The following ACSM5 variants were observed in gnomAD, a reference collection of about 807,000 sequenced individuals.
ACSM5 encodes the protein acyl-coenzyme A synthetase ACSM5, mitochondrial.
In ACSM5, 56 loss-of-function variants were observed where a neutral mutation model predicts 71.6. The ratio of observed to expected loss-of-function variants is 0.78; its 90% CI spans 0.63 to 0.98. The LOEUF is 0.98. Ranked by LOEUF, ACSM5 falls within the 50% of genes least tolerant of loss-of-function variation. ACSM5 has a pLI of 0.00. For missense variants in ACSM5, 723 were observed against 726.0 expected (o/e 1.00, Z 0.05); for synonymous variants, 285 against 281.5 (o/e 1.01, Z -0.12).
chr16:20,425,356 AT>A (rs1444201510), intron 6 of ACSM5, among the ~76,000 whole-genome samples: 1 of 152,160 alleles, frequency 6.6e-6, no homozygotes, highest in East Asian at 1.9e-4. Flanking sequence ...CATTGTGTAT[AT>A]GTACATCTTC....
At position 20,417,923 on chromosome 16, in the gene ACSM5, C is replaced by A. The variant is rs1174286471; in HGVS notation, c.205-136C>A. ...AGGAGGGGAGCAAGCCTTTTCAATG[C>A]ATGTCTTTCCATATTGCTTTGCTTT... is the stretch of plus-strand genomic sequence containing the variant. On this transcript the variant is annotated intron_variant, in intron 2 of 13. Coordinates refer to ENST00000331849, the MANE Select transcript of ACSM5 (RefSeq NM_017888.3). 1.6e-5 allele frequency: 13 copies of A among 835,636 alleles called. No homozygotes were observed. In the East Asian group the frequency reaches 2.9e-4, roughly 19 times the overall value. The allele number at this position is 835,636 out of a possible 1,614,324, so 51.8% of individuals were successfully genotyped here. A position where few individuals can be genotyped will look rare whatever the true frequency, so the allele number is the denominator to read the frequency against.
chr16:20,434,961 G>A (rs79870705), intron 10 of ACSM5, among the ~76,000 whole-genome samples: 4,193 of 152,250 alleles, frequency 0.028, 193 homozygotes, highest in African/African-American at 0.094. Flanking sequence ...ATGTTTGCTA[G>A]CATTTTGATT....
intron 9 of ACSM5, 64 bp downstream of exon 9, chr16:20,431,137 G>T (rs1321783166): frequency 6.2e-7 from 1 of 1,600,990 alleles, no homozygotes; most frequent in African/African-American, 1.3e-5. Context: ...CACAGGCCTG[G>T]TTGGCACGGG....
chr16:20,438,156 G>A (rs1016910344), intron 12 of ACSM5, among the ~76,000 whole-genome samples: 67 of 151,860 alleles, frequency 4.4e-4, no homozygotes, highest in Non-Finnish European at 1.5e-4. Context: ...GGTCCCAGAG[G>A]AATGCATATT....
intron 3 of ACSM5, 107 bp downstream of exon 3, chr16:20,418,376 A>G: frequency 1.8e-6 from 2 of 1,139,672 alleles, no homozygotes; most frequent in Non-Finnish European, 2.5e-6. Flanking sequence ...CTGTATGTGG[A>G]GTTGTGTTTA....
At chr16:20,426,717 A>G (rs1206994406) in intron 6 of ACSM5, among the ~76,000 whole-genome samples, 3 of 152,210 alleles carry the variant, frequency 2.0e-5, no homozygotes, top group Admixed American at 2.0e-4. Context: ...AAATTCATAG[A>G]GACAGAAAGT....
chr16:20,419,285 T>G lies in ACSM5; in HGVS notation c.473T>G (p.Leu158Arg), dbSNP rs1335737690. ...ACAGAGAAGGACCTCAAGTACCGGC[T>G]GCAGGCGTCCAGGGCCAAGTCCATT... Reference protein sequence around the residue: ...QLTEKDLKYRLQASRAKSIIT... With the variant: ...QLTEKDLKYRRQASRAKSIIT... The change falls in exon 4 of 14, where the codon CTG (leucine) becomes CGG (arginine). Residue 158 changes from leucine (L) to arginine (R), a missense_variant. By Grantham distance (102) the Leu-to-Arg change is moderately radical. Coordinates refer to ENST00000331849, the MANE Select transcript of ACSM5 (RefSeq NM_017888.3). The G allele has an allele frequency of 6.2e-7, 1 of 1,614,132 alleles. No individual in the cohort carries two copies. Among genetic ancestry groups the G allele is most frequent in the East Asian group, 2.2e-5 (1 of 44,876 alleles).
Position 20,437,248 on chromosome 16 carries a change from A to C in ACSM5, c.1437-20A>C, listed in dbSNP as rs923164784. Reference sequence around the variant, plus strand: ...GGGTTGAGGGAAGCCCACTTGGAAGAGTTTGTTTTTCCCTTCCAGCTACCG... The same window carrying C: ...GGGTTGAGGGAAGCCCACTTGGAAGCGTTTGTTTTTCCCTTCCAGCTACCG... On this transcript the variant is annotated intron_variant, in intron 11 of 13. Coordinates refer to ENST00000331849, the MANE Select transcript of ACSM5 (RefSeq NM_017888.3). 6.2e-7 allele frequency: 1 copy of C among 1,613,954 alleles called. No individual in the cohort carries two copies. The highest frequency in any genetic ancestry group is 8.5e-7 in the Non-Finnish European group (1 of 1,179,972).
At chr16:20,423,272 C>T (rs189287167) in intron 5 of ACSM5, among the ~76,000 whole-genome samples, 18 of 152,190 alleles carry the variant, frequency 1.2e-4, no homozygotes, top group Non-Finnish European at 1.8e-4. Context: ...CAGGAGTGCG[C>T]GTGTCCCAGG....
intron 1 of ACSM5, among the ~76,000 whole-genome samples, chr16:20,410,774 AATTAAAAAGAC>A (rs1272138414): frequency 2.0e-5 from 3 of 151,976 alleles, no homozygotes; most frequent in Non-Finnish European, 4.4e-5. Context: ...TAAATAAAAA[AATTAAAAAGAC>A]ACTAAAAGCC....
intron 6 of ACSM5, 22 bp downstream of exon 6, chr16:20,424,091 A>C (rs1266069125): frequency 6.2e-7 from 1 of 1,612,672 alleles, no homozygotes; most frequent in African/African-American, 1.3e-5. Flanking sequence ...AACCAACAAT[A>C]CCCCATATGT....
At chr16:20,409,878 C>T (rs1171806222) in intron 1 of ACSM5, among the ~76,000 whole-genome samples, 2 of 19,728 alleles carry the variant, frequency 1.0e-4, no homozygotes, top group Non-Finnish European at 1.6e-4. Flanking sequence ...AGGTGAGGGG[C>T]GGGAGAGGTG....
chr16:20,419,300 C>G lies in ACSM5; in HGVS notation c.488C>G (p.Ala163Gly). The change falls in exon 4 of 14, where the codon GCC (alanine) becomes GGC (glycine). Residue 163 changes from alanine to glycine, a missense_variant. Physicochemically the swap from Ala to Gly is moderately conservative, Grantham distance 60. Transcript: ENST00000331849. ...DLKYRLQASR[A>G]KSIITSDSLA... ...AAGTACCGGCTGCAGGCGTCCAGGG[C>G]CAAGTCCATTATCACCAGTGACTCC... The G allele has an allele frequency of 6.2e-7, 1 of 1,614,116 alleles. No individual in the cohort carries two copies.
chr16:20,423,830 C>T, intron 5 of ACSM5, 86 bp from the exon 6 acceptor site: 7 of 1,522,150 alleles, frequency 4.6e-6, no homozygotes, highest in Non-Finnish European at 6.3e-6. Flanking sequence ...CTGAGCAGGG[C>T]TCCAAATGTG....
At chr16:20,427,765 T>TAGGACATCC in intron 6 of ACSM5, 23 bp from the exon 7 acceptor site, 2 of 1,546,734 alleles carry the variant, frequency 1.3e-6, no homozygotes, top group Non-Finnish European at 8.9e-7. Context: ...TAAGGACATC[T>TAGGACATCC]TTCACCCTTT....
In ACSM5 at chr16:20,419,278, T is replaced by C. The variant is rs1353829575; in HGVS notation, c.466T>C (p.Tyr156His). 4 of 1,613,970 alleles carry C rather than the reference T, an allele frequency of 2.5e-6. No individual in the cohort carries two copies. The highest frequency in any genetic ancestry group is 2.7e-5 in the African/African-American group (2 of 74,892). The part of the protein sequence containing the change: ...VTQLTEKDLK[Y>H]RLQASRAKSI... ...TCAGCTGACAGAGAAGGACCTCAAG[T>C]ACCGGCTGCAGGCGTCCAGGGCCAA... The change falls in exon 4 of 14, where the codon TAC (tyrosine) becomes CAC (histidine). Residue 156 changes from tyrosine to histidine, a missense_variant. Transcript: ENST00000331849.
chr16:20,417,778 A>G (rs1966859984), intron 2 of ACSM5, among the ~76,000 whole-genome samples: 1 of 152,198 alleles, frequency 6.6e-6, no homozygotes, highest in African/African-American at 2.4e-5. Context: ...CATTAAAAAG[A>G]TAGTAGAAAA....
intron 6 of ACSM5, among the ~76,000 whole-genome samples, chr16:20,426,943 T>C (rs1966991839): frequency 6.6e-6 from 1 of 151,956 alleles, no homozygotes; most frequent in Admixed American, 6.6e-5. Context: ...CACAATAATT[T>C]TAAAGAAGAT....
At chr16:20,431,156 C>T in intron 9 of ACSM5, 64 bp from the exon 10 acceptor site, 1 of 1,595,742 alleles carries the variant, frequency 6.3e-7, no homozygotes, top group Non-Finnish European at 8.6e-7. Context: ...GGCTGCTGGG[C>T]TGCTGGGAGA....
Sources: allele counts gnomAD v4.1 joint callset (sites outside exome capture counted in the v4.1 genomes callset), GRCh38; gene constraint gnomAD v4.1.1; transcripts MANE v1.5; gene names NCBI Gene and HGNC (gene_info 2026-07-23, HGNC 2026-07-21).